Variants in DNAJC1 observed in about 807,000 individuals in gnomAD.
DNAJC1 encodes the protein DnaJ heat shock protein family (Hsp40) member C1.
DNAJC1 carries 58 observed loss-of-function variants against 76.6 expected under a neutral mutation model. The observed-to-expected ratio is 0.76, with a 90% CI of 0.61 to 0.94. The LOEUF is 0.94. Among genes scored for constraint, DNAJC1 ranks in the 40% least tolerant of loss-of-function variants. The pLI, the probability that DNAJC1 is intolerant of heterozygous loss-of-function variation, is 0.00. For missense variants in DNAJC1, 689 were observed against 677.3 expected, an observed-to-expected ratio of 1.02 and a Z score of -0.19; for synonymous variants, 258 against 267.9, an observed-to-expected ratio of 0.96 and a Z score of 0.36.
chr10:21,930,030 C>G (rs1245063943), intron 1 of DNAJC1, among the ~76,000 whole-genome samples: 1 of 152,158 alleles, frequency 6.6e-6, no homozygotes, highest in East Asian at 1.9e-4. Flanking sequence ...GGCTGGAGTG[C>G]GGCGGCACAA....
At chr10:21,802,488 A>C (rs998941626) in intron 9 of DNAJC1, among the ~76,000 whole-genome samples, 1 of 152,144 alleles carries the variant, frequency 6.6e-6, no homozygotes, top group Non-Finnish European at 1.5e-5. Context: ...ATACAAATGA[A>C]TTGGGAATTT....
chr10:21,783,820 A>G (rs1356849829), intron 9 of DNAJC1, among the ~76,000 whole-genome samples: 2 of 152,216 alleles, frequency 1.3e-5, no homozygotes, highest in Non-Finnish European at 2.9e-5. Context: ...CCTATTTAAT[A>G]AATGGTGCTG....
At chr10:21,881,890 C>T (rs1030476172) in intron 8 of DNAJC1, among the ~76,000 whole-genome samples, 1 of 147,814 alleles carries the variant, frequency 6.8e-6, no homozygotes. Context: ...CACGGTGGCT[C>T]ACACCTGTAA....
At chr10:21,789,038 TGCTCTGAGCACCCGCACCTGGAA>T (rs143786497) in intron 9 of DNAJC1, among the ~76,000 whole-genome samples, 7,595 of 152,142 alleles carry the variant, frequency 0.05, 631 homozygotes, top group African/African-American at 0.17. Context: ...GCCCCACAGC[TGCTCTGAGCACCCGCACCTGGAA>T]TTTAGCCACT....
intron 8 of DNAJC1, among the ~76,000 whole-genome samples, chr10:21,859,770 C>G (rs1365972075): frequency 2.6e-5 from 4 of 151,972 alleles, no homozygotes; most frequent in Admixed American, 6.6e-5. Flanking sequence ...AACAGATAAA[C>G]TCTTGGAGAA....
At chr10:21,964,788 C>T (rs1448379213) in intron 1 of DNAJC1, among the ~76,000 whole-genome samples, 1 of 151,518 alleles carries the variant, frequency 6.6e-6, no homozygotes, top group African/African-American at 2.4e-5. Context: ...AAGGCAGCTT[C>T]ACTTGGCATA....
chr10:21,952,316 C>T (rs1253518388), intron 1 of DNAJC1, among the ~76,000 whole-genome samples: 1 of 152,162 alleles, frequency 6.6e-6, no homozygotes. Flanking sequence ...GATTACAAGG[C>T]TTCCAATATT....
chr10:21,779,717 T>G (rs1018593052), intron 9 of DNAJC1, among the ~76,000 whole-genome samples: 1 of 152,188 alleles, frequency 6.6e-6, no homozygotes, highest in African/African-American at 2.4e-5. Flanking sequence ...CACAGCTCCT[T>G]GCCAGCAATG....
At chr10:21,761,394 T>G (rs1834238762) in intron 10 of DNAJC1, among the ~76,000 whole-genome samples, 2 of 151,904 alleles carry the variant, frequency 1.3e-5, no homozygotes, top group African/African-American at 4.8e-5. Context: ...ACCCTGTCTC[T>G]ACAAAAATGC....
chr10:21,830,062 A>G (rs1395568491), intron 8 of DNAJC1, among the ~76,000 whole-genome samples: 1 of 152,002 alleles, frequency 6.6e-6, no homozygotes, highest in African/African-American at 2.4e-5. Context: ...TTTTTCTCCC[A>G]TCTTCTAAGT....
Position 21,849,025 on chromosome 10 carries a change from C to G in DNAJC1, c.978+33257G>C, listed in dbSNP as rs149742511. Among the ~76,000 whole-genome samples the G allele has an allele frequency of 8.6e-3, 1,305 of 152,198 alleles. 28 individuals are homozygous for G. The highest frequency in any genetic ancestry group is 0.029 in the African/African-American group (1,217 of 41,526). On this transcript the variant is annotated intron_variant, in intron 8 of 11. Coordinates refer to ENST00000376980, the MANE Select transcript of DNAJC1 (RefSeq NM_022365.4). Reference sequence around the variant, plus strand: ...TAAATGCCAGCCAGGCACAGTGGCTCAAGCCTGTAATCCCAGTACTTTGGG... The same window carrying G: ...TAAATGCCAGCCAGGCACAGTGGCTGAAGCCTGTAATCCCAGTACTTTGGG...
In DNAJC1 at chr10:21,864,678, C is replaced by A. The variant is rs747622753; in HGVS notation, c.978+17604G>T. 3.3e-5 allele frequency among the ~76,000 whole-genome samples: 5 copies of A among 151,808 alleles called. No individual in the cohort carries two copies. The South Asian group carries it at 1.0e-3, about 32-fold the overall frequency. On this transcript the variant is annotated intron_variant, in intron 8 of 11. Coordinates refer to ENST00000376980, the MANE Select transcript of DNAJC1 (RefSeq NM_022365.4). ...AGAAAGAAACAGAAGAAAATCTTAG[C>A]GACTTTGAGTTTGGCAAAGATTTCC...
chr10:21,804,263 A>G (rs1282653326), intron 9 of DNAJC1, among the ~76,000 whole-genome samples: 5 of 152,112 alleles, frequency 3.3e-5, no homozygotes, highest in African/African-American at 1.2e-4. Context: ...CCTTATAGAA[A>G]TATTATCTTA....
At chr10:21,976,213 T>C (rs1212348695) in intron 1 of DNAJC1, among the ~76,000 whole-genome samples, 2 of 152,192 alleles carry the variant, frequency 1.3e-5, no homozygotes, top group Admixed American at 6.5e-5. Context: ...ATCTTCTTTA[T>C]CCATATTTGA....
At chr10:21,860,538 C>T (rs1047977566) in intron 8 of DNAJC1, among the ~76,000 whole-genome samples, 4 of 151,934 alleles carry the variant, frequency 2.6e-5, no homozygotes, top group Non-Finnish European at 5.9e-5. Context: ...CTAAAAAATA[C>T]AGAAAATTAG....
intron 9 of DNAJC1, among the ~76,000 whole-genome samples, chr10:21,767,343 A>G (rs1467105027): frequency 1.3e-5 from 2 of 152,212 alleles, no homozygotes; most frequent in South Asian, 2.1e-4. Flanking sequence ...GTCTTATTCT[A>G]TAGCTTGCTC....
At chr10:21,990,687 C>T (rs1360407969) in intron 1 of DNAJC1, among the ~76,000 whole-genome samples, 1 of 152,100 alleles carries the variant, frequency 6.6e-6, no homozygotes, top group Non-Finnish European at 1.5e-5. Flanking sequence ...AAGAGAAACT[C>T]GTGAGGTCTC....
chr10:21,934,628 T>G (rs1837282780), intron 1 of DNAJC1, among the ~76,000 whole-genome samples: 1 of 152,212 alleles, frequency 6.6e-6, no homozygotes, highest in Admixed American at 6.5e-5. Context: ...AATACTTTTG[T>G]GTTACAACTG....
intron 1 of DNAJC1, among the ~76,000 whole-genome samples, chr10:21,960,608 T>C (rs369271815): frequency 9.9e-5 from 15 of 152,178 alleles, no homozygotes; most frequent in African/African-American, 3.6e-4. Context: ...GAGGATCACT[T>C]GAGCCCTGGA....
Sources: allele counts gnomAD v4.1 joint callset (sites outside exome capture counted in the v4.1 genomes callset), GRCh38; gene constraint gnomAD v4.1.1; transcripts MANE v1.5; gene names NCBI Gene and HGNC (gene_info 2026-07-23, HGNC 2026-07-21).